Variants in EXOC4 observed in about 807,000 individuals in gnomAD.
EXOC4 encodes the protein exocyst complex component 4.
EXOC4 carries 71 observed loss-of-function variants against 107.2 expected under a neutral mutation model. The ratio of observed to expected loss-of-function variants is 0.66; its 90% confidence interval spans 0.55 to 0.81. EXOC4 has a LOEUF of 0.81. EXOC4 is among the 30% of genes least tolerant of loss of function. The pLI is 0.00. For missense variants in EXOC4, 1,108 were observed against 1,189.6 expected, an observed-to-expected ratio of 0.93 and a Z score of 1.01; for synonymous variants, 456 against 441.2, an observed-to-expected ratio of 1.03 and a Z score of -0.42.
chr7:133,872,535 A>ACT (rs576177046), intron 11 of EXOC4, among the ~76,000 whole-genome samples: 187 of 152,326 alleles, frequency 1.2e-3, no homozygotes, highest in African/African-American at 4.3e-3. Flanking sequence ...AAGGGAAACA[A>ACT]TAAAAGAAGA....
chr7:133,903,899 A>C (rs1799510036), intron 12 of EXOC4, among the ~76,000 whole-genome samples: 1 of 152,194 alleles, frequency 6.6e-6, no homozygotes, highest in African/African-American at 2.4e-5. Context: ...GAAAATCTAG[A>C]AAATACAGTG....
intron 11 of EXOC4, among the ~76,000 whole-genome samples, chr7:133,872,578 T>A (rs891754452): frequency 6.6e-6 from 1 of 152,080 alleles, no homozygotes; most frequent in African/African-American, 2.4e-5. Context: ...ACTTTTCATT[T>A]AAAAAAAATC....
intron 10 of EXOC4, among the ~76,000 whole-genome samples, chr7:133,765,782 A>C (rs922504768): frequency 1.3e-5 from 2 of 151,946 alleles, no homozygotes; most frequent in Non-Finnish European, 2.9e-5. Context: ...ACATATTTTA[A>C]ACTTTACCTG....
At chr7:133,895,402 G>T (rs912227166) in intron 11 of EXOC4, among the ~76,000 whole-genome samples, 197 bp from the exon 12 acceptor site, 1 of 152,106 alleles carries the variant, frequency 6.6e-6, no homozygotes, top group Non-Finnish European at 1.5e-5. Context: ...CGTCGCTCAC[G>T]CTGGGAGCTG....
At chr7:133,623,930 C>G (rs1802392020) in intron 9 of EXOC4, among the ~76,000 whole-genome samples, 1 of 152,056 alleles carries the variant, frequency 6.6e-6, no homozygotes, top group Non-Finnish European at 1.5e-5. Flanking sequence ...CTAAAAGAAC[C>G]CCTCTGGCAG....
intron 12 of EXOC4, among the ~76,000 whole-genome samples, chr7:133,903,153 G>A (rs1799492663): frequency 6.6e-6 from 1 of 152,242 alleles, no homozygotes; most frequent in Non-Finnish European, 1.5e-5. Context: ...AAGTGAGCGA[G>A]AGGAGGAAGG....
In EXOC4 at chr7:133,316,657, T is replaced by C. The variant is rs6945956; in HGVS notation, c.657-627T>C. 2.2e-3 allele frequency among the ~76,000 whole-genome samples: 331 copies of C among 152,366 alleles called. 1 individual carries two copies. Among genetic ancestry groups the C allele is most frequent in the African/African-American group, 7.3e-3 (303 of 41,586 alleles). Reference sequence around the variant, plus strand: ...TAAAGTTTATTAGTTTATTTAAAGTTAATCATTAAGATGAGGGGCTTGGCC... The same window carrying C: ...TAAAGTTTATTAGTTTATTTAAAGTCAATCATTAAGATGAGGGGCTTGGCC... On this transcript the variant is annotated intron_variant, in intron 4 of 17. Transcript: ENST00000253861.
chr7:133,355,285 G>A (rs1795997237), intron 5 of EXOC4, among the ~76,000 whole-genome samples: 1 of 151,352 alleles, frequency 6.6e-6, no homozygotes. Flanking sequence ...GAGGACAGAG[G>A]TGGATGGGGA....
intron 14 of EXOC4, among the ~76,000 whole-genome samples, chr7:133,994,399 G>A (rs1463643809): frequency 6.6e-6 from 1 of 152,166 alleles, no homozygotes; most frequent in African/African-American, 2.4e-5. Flanking sequence ...TACCTAATGC[G>A]TGCGAGGCTT....
intron 10 of EXOC4, among the ~76,000 whole-genome samples, chr7:133,742,322 C>A (rs1795582355): frequency 6.6e-6 from 1 of 152,140 alleles, no homozygotes; most frequent in African/African-American, 2.4e-5. Context: ...ACTGCTCCTG[C>A]TTCATTTATT....
At chr7:133,309,469 G>A (rs966457343) in intron 4 of EXOC4, among the ~76,000 whole-genome samples, 32 of 152,026 alleles carry the variant, frequency 2.1e-4, no homozygotes, top group African/African-American at 7.2e-4. Flanking sequence ...TTCTTTTTCC[G>A]AGCAAAATTC....
intron 12 of EXOC4, among the ~76,000 whole-genome samples, chr7:133,910,174 G>A (rs933103786): frequency 6.6e-6 from 1 of 152,030 alleles, no homozygotes; most frequent in Non-Finnish European, 1.5e-5. Flanking sequence ...CACCCATCTC[G>A]GCCTCCCAAA....
At position 133,630,041 on chromosome 7, in the gene EXOC4, A is replaced by G. The variant is rs1802552677; in HGVS notation, c.1418-4A>G. On this transcript the variant is annotated splice_region_variant and splice_polypyrimidine_tract_variant and intron_variant, in intron 9 of 17. Transcript: ENST00000253861. ...AAGTCTGTTTTTTTTCTTTCTTCTGAAAGGGGGTCCTGATGACAACTTAAT... is the reference window on the plus strand; with the variant it reads ...AAGTCTGTTTTTTTTCTTTCTTCTGGAAGGGGGTCCTGATGACAACTTAAT... 2 of 1,610,278 alleles carry G rather than the reference A, an allele frequency of 1.2e-6. No homozygotes were observed.
At chr7:134,064,001 G>A (rs1796129510) in intron 17 of EXOC4, among the ~76,000 whole-genome samples, 1 of 152,050 alleles carries the variant, frequency 6.6e-6, no homozygotes, top group Admixed American at 6.5e-5. Context: ...TTTCTCCCAA[G>A]GTAAATGCAA....
chr7:133,787,994 T>C (rs1796623354), intron 10 of EXOC4, among the ~76,000 whole-genome samples: 1 of 101,346 alleles, frequency 9.9e-6, no homozygotes, highest in Non-Finnish European at 2.0e-5. Flanking sequence ...TATATATATA[T>C]ATATATATAT....
intron 2 of EXOC4, among the ~76,000 whole-genome samples, chr7:133,277,301 G>T (rs963472232): frequency 6.6e-6 from 1 of 152,216 alleles, no homozygotes; most frequent in Non-Finnish European, 1.5e-5. Context: ...GTCAATGAAT[G>T]TATAGAGCTG....
At chr7:133,958,629 A>T (rs143689368) in intron 14 of EXOC4, among the ~76,000 whole-genome samples, 11 of 152,340 alleles carry the variant, frequency 7.2e-5, no homozygotes, top group African/African-American at 2.6e-4. Flanking sequence ...TTTTTAACCC[A>T]AAAGTTAGAG....
chr7:134,064,053 T>C (rs1796130404), intron 17 of EXOC4, among the ~76,000 whole-genome samples: 1 of 152,078 alleles, frequency 6.6e-6, no homozygotes, highest in African/African-American at 2.4e-5. Context: ...CACAGAAAGG[T>C]ATGCGGCCTC....
At chr7:133,716,280 G>C (rs1794996477) in intron 10 of EXOC4, among the ~76,000 whole-genome samples, 1 of 152,348 alleles carries the variant, frequency 6.6e-6, no homozygotes, top group East Asian at 1.9e-4. Flanking sequence ...CTGTCTTTAA[G>C]TGGCTTTCAC....
Sources: allele counts gnomAD v4.1 joint callset (sites outside exome capture counted in the v4.1 genomes callset), GRCh38; gene constraint gnomAD v4.1.1; transcripts MANE v1.5; gene names NCBI Gene and HGNC (gene_info 2026-07-23, HGNC 2026-07-21).